The following ZNF670 variants were observed in gnomAD, a reference collection of about 807,000 sequenced individuals.
ZNF670 encodes zinc finger protein 670.
In ZNF670, 7 loss-of-function variants were observed where a neutral mutation model predicts 10.9. That is an observed-to-expected ratio of 0.64 (90% CI 0.36 to 1.20). The LOEUF (loss-of-function observed/expected upper bound fraction) is 1.20, where lower values mean the gene tolerates loss of function less well. ZNF670 is among the 50% of genes most tolerant of loss of function. ZNF670 has a pLI of 0.02. For synonymous variants in ZNF670, 136 were observed against 152.7 expected, an observed-to-expected ratio of 0.89 and a Z score of 0.81; for missense variants, 446 against 458.6, an observed-to-expected ratio of 0.97 and a Z score of 0.25.
intron 1 of ZNF670, among the ~76,000 whole-genome samples, chr1:247,076,933 T>C (rs1264138417): frequency 6.6e-6 from 1 of 152,242 alleles, no homozygotes; most frequent in Non-Finnish European, 1.5e-5. Flanking sequence ...AATGCTGGGA[T>C]TACAGGCGTG....
intron 1 of ZNF670, chr1:247,043,641 C>G (rs1354543571): frequency 2.0e-5 from 11 of 544,804 alleles, no homozygotes; most frequent in South Asian, 4.4e-5. Context: ...AAATGTGGAT[C>G]CTGGCTGCAG....
intron 1 of ZNF670, among the ~76,000 whole-genome samples, chr1:247,047,998 C>T (rs1670499058): frequency 6.6e-6 from 1 of 152,230 alleles, no homozygotes; most frequent in African/African-American, 2.4e-5. Flanking sequence ...TGGCAATTAA[C>T]ATTTGGCTCC....
rs1026511737 is a variant in ZNF670, at chr1:247,037,252, G to A, written c.*197C>T. On this transcript the variant is annotated 3_prime_UTR_variant, in exon 4 of 4. Transcript: ENST00000366503. ...TAACACATTTTTCGTATTTTATGAC[G>A]TTCTTTCCCAGGACGGGTCCTTCTA... The A allele has an allele frequency of 3.4e-5, 18 of 529,662 alleles. No individual in the cohort carries two copies. Among genetic ancestry groups the A allele is most frequent in the Admixed American group, 1.1e-4 (3 of 26,504 alleles). 32.8% of individuals were successfully genotyped at this position (529,662 alleles called of 1,614,324 possible). A position where few individuals can be genotyped will look rare whatever the true frequency, so the allele number is the denominator to read the frequency against.
At position 247,038,288 on chromosome 1, in the gene ZNF670, CT is replaced by C; in HGVS notation, c.330del (p.Val111SerfsTer51). The C allele has an allele frequency of 1.9e-6, 3 of 1,614,188 alleles. No individual in the cohort carries two copies. The highest frequency in any genetic ancestry group is 2.5e-6 in the Non-Finnish European group (3 of 1,180,018). On this transcript the variant is annotated frameshift_variant, in exon 4 of 4. Coordinates refer to ENST00000366503, the MANE Select transcript of ZNF670 (RefSeq NM_033213.5). LOFTEE classifies it low-confidence loss of function (END_TRUNC). ...VKPCECSVCG[K>X]VFICHSALHR... ...TGAAGGGCTGAATGACATATGAAGA[CT>C]TTTCCACACACACTGCATTCACATG...
intron 1 of ZNF670, among the ~76,000 whole-genome samples, chr1:247,058,895 A>C (rs1328053003): frequency 1.3e-5 from 2 of 152,166 alleles, no homozygotes; most frequent in Non-Finnish European, 2.9e-5. Context: ...AACTGTCCAA[A>C]AAAGGAAGGA....
chr1:247,078,307 T>G (rs1440983335), intron 1 of ZNF670, among the ~76,000 whole-genome samples: 1 of 152,256 alleles, frequency 6.6e-6, no homozygotes, highest in East Asian at 1.9e-4. Flanking sequence ...AAGTCGGGAC[T>G]CTCCCCTGAG....
chr1:247,052,366 G>A (rs540606744), intron 1 of ZNF670, among the ~76,000 whole-genome samples: 2 of 152,164 alleles, frequency 1.3e-5, no homozygotes, highest in Admixed American at 1.3e-4. Flanking sequence ...GCTCTTCTAG[G>A]TCAAGCCACC....
At position 247,037,882 on chromosome 1, in the gene ZNF670, G is replaced by A. The variant is rs766800445; in HGVS notation, c.737C>T (p.Ser246Phe). ...FSSSLRQHER[S>F]HTGEKPYECK... ...TTCATAGGGTTTCTCTCCAGTATGA[G>A]ATCTTTCATGTTGGCGAAGAGAACT... Residue 246 changes from serine to phenylalanine, a missense_variant, in exon 4 of 4, where the codon TCT becomes TTT. Coordinates refer to ENST00000366503, the MANE Select transcript of ZNF670 (RefSeq NM_033213.5). 1.9e-6 allele frequency: 3 copies of A among 1,613,958 alleles called. No homozygotes were observed. Among genetic ancestry groups the A allele is most frequent in the Non-Finnish European group, 2.5e-6 (3 of 1,179,964 alleles).
chr1:247,077,877 T>G lies in ZNF670; in HGVS notation c.3+717A>C, dbSNP rs539173258. On this transcript the variant is annotated intron_variant, in intron 1 of 3. Transcript: ENST00000366503. ...GATCGCTTGAGCCCGAGTCCAAGAC[T>G]CCATCATACACATGTACATACACAC... 5.9e-5 allele frequency among the ~76,000 whole-genome samples: 9 copies of G among 152,176 alleles called. No individual in the cohort carries two copies. In the South Asian group the frequency reaches 1.9e-3, roughly 32 times the overall value.
intron 3 of ZNF670, 45 bp from the exon 4 acceptor site, chr1:247,038,472 T>A: frequency 6.5e-7 from 1 of 1,540,672 alleles, no homozygotes; most frequent in Non-Finnish European, 8.7e-7. Flanking sequence ...TATTCATGGT[T>A]TACATTGCTA....
At chr1:247,067,841 CAA>C (rs61211824) in intron 1 of ZNF670, among the ~76,000 whole-genome samples, 3 of 85,266 alleles carry the variant, frequency 3.5e-5, no homozygotes, top group East Asian at 1.4e-3. Context: ...GACTCCGTCT[CAA>C]AAAAAAAAAA....
chr1:247,077,272 A>T (rs1471082054), intron 1 of ZNF670, among the ~76,000 whole-genome samples: 1 of 152,176 alleles, frequency 6.6e-6, no homozygotes, highest in Non-Finnish European at 1.5e-5. Context: ...TGCTGCCTGG[A>T]GAGGCTCTAC....
intron 1 of ZNF670, among the ~76,000 whole-genome samples, chr1:247,048,290 CA>C (rs1422912664): frequency 2.6e-5 from 4 of 152,170 alleles, no homozygotes; most frequent in Non-Finnish European, 5.9e-5. Context: ...ATCTCTAGGG[CA>C]GGGGCAAAAT....
chr1:247,066,801 G>A (rs936539240), intron 1 of ZNF670, among the ~76,000 whole-genome samples: 1 of 152,164 alleles, frequency 6.6e-6, no homozygotes, highest in Non-Finnish European at 1.5e-5. Context: ...TCTGAAGCCT[G>A]CTATCTGGGG....
Position 247,038,178 on chromosome 1 carries a change from C to T in ZNF670, c.441G>A (p.Gly147=), listed in dbSNP as rs1670209705. ...CACTGGTGAGAGAGATAAAGGCTTT[C>T]CCACATTGTTTGCAATGATATAACT... The part of the protein sequence containing the change: ...PEKLYHCKQC[G]KAFISLTSVD... The change falls in exon 4 of 4, where the codon GGG becomes GGA. Residue 147 remains glycine, a synonymous_variant. Coordinates refer to ENST00000366503, the MANE Select transcript of ZNF670 (RefSeq NM_033213.5). 1 of 1,614,124 alleles carries T rather than the reference C, an allele frequency of 6.2e-7. No homozygotes were observed. The highest frequency in any genetic ancestry group is 1.1e-5 in the South Asian group (1 of 91,076).
intron 1 of ZNF670, among the ~76,000 whole-genome samples, chr1:247,047,755 A>G (rs56884994): frequency 0.35 from 53,869 of 152,156 alleles, 11,001 homozygotes; most frequent in African/African-American, 0.55. Flanking sequence ...AACACCAAGT[A>G]AAGGCTGCCA....
intron 1 of ZNF670, among the ~76,000 whole-genome samples, chr1:247,061,357 A>G (rs1025509524): frequency 6.6e-6 from 1 of 151,820 alleles, no homozygotes; most frequent in Non-Finnish European, 1.5e-5. Context: ...ATCTTTTTGT[A>G]TTTTTAGTAG....
At chr1:247,044,048 A>AT (rs1251128417) in intron 1 of ZNF670, 1 of 188,354 alleles carries the variant, frequency 5.3e-6, no homozygotes, top group African/African-American at 2.4e-5. Context: ...CCTCAAACCA[A>AT]TGTGGGTATC....
At chr1:247,041,963 A>G (rs1670320768) in intron 1 of ZNF670, among the ~76,000 whole-genome samples, 2 of 152,234 alleles carry the variant, frequency 1.3e-5, no homozygotes, top group African/African-American at 4.8e-5. Context: ...GTCAACTAAG[A>G]GATAAGTCTA....
Sources: gnomAD v4.1 joint callset for allele counts (sites outside exome capture counted in the v4.1 genomes callset) on GRCh38, gnomAD v4.1.1 for gene constraint, MANE v1.5 for transcripts, NCBI Gene and HGNC (gene_info 2026-07-23, HGNC 2026-07-21) for gene names.